The following L3MBTL1 variants were observed in gnomAD, a reference collection of about 807,000 sequenced individuals.
L3MBTL1 encodes the protein L3MBTL histone methyl-lysine binding protein 1.
A neutral mutation model predicts 105.3 loss-of-function variants in L3MBTL1; 75 were observed. The ratio of observed to expected loss-of-function variants is 0.71; its 90% confidence interval spans 0.59 to 0.86. The LOEUF is 0.86. Ranked by LOEUF, L3MBTL1 falls within the 40% of genes least tolerant of loss-of-function variation. L3MBTL1 has a pLI of 0.00. For synonymous variants in L3MBTL1, 452 were observed against 436.2 expected, an observed-to-expected ratio of 1.04 and a Z score of -0.45; for missense variants, 1,069 against 1,126.4, an observed-to-expected ratio of 0.95 and a Z score of 0.73.
intron 18 of L3MBTL1, among the ~76,000 whole-genome samples, chr20:43,547,301 T>A (rs1028930460): frequency 6.6e-6 from 1 of 152,114 alleles, no homozygotes; most frequent in Middle Eastern, 3.2e-3. Flanking sequence ...AAGCGGGGTT[T>A]CACTGTGTTA....
chr20:43,520,425 T>C (rs1419262576), intron 7 of L3MBTL1, among the ~76,000 whole-genome samples: 1 of 152,230 alleles, frequency 6.6e-6, no homozygotes, highest in Non-Finnish European at 1.5e-5. Flanking sequence ...AGGGGTGGAA[T>C]TGTTCAGCCA....
At position 43,540,246 on chromosome 20, in the gene L3MBTL1, A is replaced by G. The variant is rs1384460166; in HGVS notation, c.2269A>G (p.Lys757Glu). Reference sequence around the variant, plus strand: ...CTCAGTGTGCTGGGAGCAGCACTGCAAGCTCCTGCCAGGAGTAGCGGGCAT... The same window carrying G: ...CTCAGTGTGCTGGGAGCAGCACTGCGAGCTCCTGCCAGGAGTAGCGGGCAT... Reference protein sequence around the residue: ...SLSVCWEQHCKLLPGVAGISA... With the variant: ...SLSVCWEQHCELLPGVAGISA... Residue 757 changes from lysine to glutamate, a missense_variant, in exon 20 of 22, where the codon AAG becomes GAG. Coordinates refer to ENST00000418998, the MANE Select transcript of L3MBTL1 (RefSeq NM_001377303.1). The G allele has an allele frequency of 6.2e-7, 1 of 1,613,798 alleles. No individual in the cohort carries two copies. The highest frequency in any genetic ancestry group is 1.1e-5 in the South Asian group (1 of 91,076).
At chr20:43,525,829 C>T (rs886502041) in intron 7 of L3MBTL1, among the ~76,000 whole-genome samples, 1 of 152,170 alleles carries the variant, frequency 6.6e-6, no homozygotes, top group African/African-American at 2.4e-5. Flanking sequence ...TATATGAAGT[C>T]TTTCCGGCAT....
intron 5 of L3MBTL1, 58 bp downstream of exon 5, chr20:43,515,217 C>T (rs866848965): frequency 1.2e-6 from 2 of 1,613,906 alleles, no homozygotes; most frequent in Non-Finnish European, 1.7e-6. Context: ...AAGCCTCATT[C>T]CTGTTCAGGG....
At position 43,513,857 on chromosome 20, in the gene L3MBTL1, C is replaced by G. The variant is rs1329544459; in HGVS notation, c.156C>G (p.Gly52=). The change falls in exon 3 of 22, where the codon GGC becomes GGG. Residue 52 remains glycine, a synonymous_variant. Coordinates refer to ENST00000418998, the MANE Select transcript of L3MBTL1 (RefSeq NM_001377303.1). ...FIIPASSATL[G]LPSSALDVSC... The stretch of plus-strand genomic sequence containing the variant: ...TTACAGCCAGTTCGGCCACCCTCGG[C>G]CTGCCCAGCAGTGCCCTGGATGTGT... 22 of 1,550,546 alleles carry G rather than the reference C, an allele frequency of 1.4e-5. No individual in the cohort carries two copies. Among genetic ancestry groups the G allele is most frequent in the Non-Finnish European group, 1.8e-5 (21 of 1,147,000 alleles).
chr20:43,515,821 A>G, intron 6 of L3MBTL1: 1 of 484,152 alleles, frequency 2.1e-6, no homozygotes, highest in Non-Finnish European at 3.8e-6. Flanking sequence ...ATCACAAAGG[A>G]AGTTTTTGTG....
At chr20:43,514,103 C>A in intron 3 of L3MBTL1, 42 bp downstream of exon 3, 1 of 1,486,632 alleles carries the variant, frequency 6.7e-7, no homozygotes, top group Non-Finnish European at 9.1e-7. Context: ...TAAACCGCAG[C>A]CATGGGGCGG....
chr20:43,526,606 T>A (rs2019045733), intron 7 of L3MBTL1, among the ~76,000 whole-genome samples: 1 of 152,200 alleles, frequency 6.6e-6, no homozygotes, highest in Admixed American at 6.5e-5. Flanking sequence ...CCCAACTGGA[T>A]CAGGCAGTTG....
chr20:43,548,449 G>A (rs916771838), exon 19 of L3MBTL1: 6 of 320,248 alleles, frequency 1.9e-5, no homozygotes, highest in East Asian at 8.8e-5. Context: ...GAGCTCATTC[G>A]TCACCAGGCA....
At chr20:43,550,772 C>G (rs891401061) in exon 19 of L3MBTL1, 5 of 152,146 alleles carry the variant, frequency 3.3e-5, no homozygotes, top group African/African-American at 1.2e-4. Context: ...TTCACATGCA[C>G]TTTGGTGGGG....
At chr20:43,539,675 T>G (rs189833888) in intron 19 of L3MBTL1, 82 of 257,290 alleles carry the variant, frequency 3.2e-4, no homozygotes, top group African/African-American at 1.7e-3. Flanking sequence ...TCAGGGGGAC[T>G]GTGATTCTGA....
intron 12 of L3MBTL1, 151 bp downstream of exon 12, chr20:43,533,075 A>G (rs952568145): frequency 6.2e-6 from 5 of 804,238 alleles, no homozygotes; most frequent in African/African-American, 3.5e-5. Context: ...GAGCTTTATC[A>G]TAAGAAATAC....
chr20:43,516,674 T>G (rs1165640870), intron 7 of L3MBTL1, among the ~76,000 whole-genome samples: 2 of 152,216 alleles, frequency 1.3e-5, no homozygotes, highest in African/African-American at 4.8e-5. Context: ...TGTAGCTAAG[T>G]AGCATACTTG....
chr20:43,530,471 C>G (rs755982017), intron 10 of L3MBTL1, 52 bp downstream of exon 10: 1 of 1,573,484 alleles, frequency 6.4e-7, no homozygotes, highest in East Asian at 2.2e-5. Flanking sequence ...TCAGACCCTT[C>G]GCTTCTTCCC....
intron 7 of L3MBTL1, among the ~76,000 whole-genome samples, chr20:43,525,550 A>G (rs1475681079): frequency 7.5e-6 from 1 of 132,784 alleles, no homozygotes; most frequent in Non-Finnish European, 1.8e-5. Context: ...TGCACAGATT[A>G]TACAACCATA....
rs1159705449 is a variant in L3MBTL1, at chr20:43,534,827, G to T, written c.1711-1G>T. On this transcript the variant is annotated splice_acceptor_variant, in intron 15 of 21. Transcript: ENST00000418998. LOFTEE classifies it high-confidence loss of function. ...GACTTCCAAGAGCCTTTCCTCCCCAGATCCACTTTGATGGCTGGAGTCATG... is the reference window on the plus strand; with the variant it reads ...GACTTCCAAGAGCCTTTCCTCCCCATATCCACTTTGATGGCTGGAGTCATG... The T allele has an allele frequency of 6.2e-7, 1 of 1,607,752 alleles. No individual in the cohort carries two copies. Among genetic ancestry groups the T allele is most frequent in the South Asian group, 1.1e-5 (1 of 90,890 alleles).
intron 7 of L3MBTL1, among the ~76,000 whole-genome samples, chr20:43,520,300 T>G (rs1262821215): frequency 6.6e-6 from 1 of 152,256 alleles, no homozygotes; most frequent in East Asian, 1.9e-4. Flanking sequence ...ATTCATCAGT[T>G]GATGGACATA....
At chr20:43,523,569 G>C in intron 7 of L3MBTL1, 1 of 248,600 alleles carries the variant, frequency 4.0e-6, no homozygotes, top group Non-Finnish European at 8.1e-6. Flanking sequence ...GTATCCTGCG[G>C]CATTGTTCTC....
chr20:43,540,333 T>C (rs757977647), intron 20 of L3MBTL1, 25 bp downstream of exon 20: 1 of 1,608,010 alleles, frequency 6.2e-7, no homozygotes, highest in Non-Finnish European at 8.5e-7. Context: ...CCCTTCTTTA[T>C]CCTTCTCTTC....
Sources: gnomAD v4.1 joint callset for allele counts (sites outside exome capture counted in the v4.1 genomes callset) on GRCh38, gnomAD v4.1.1 for gene constraint, MANE v1.5 for transcripts, NCBI Gene and HGNC (gene_info 2026-07-23, HGNC 2026-07-21) for gene names.